The following LCORL variants were observed in gnomAD, a reference collection of about 807,000 sequenced individuals.
LCORL encodes the protein ligand-dependent nuclear receptor corepressor-like protein.
A neutral mutation model predicts 141.8 loss-of-function variants in LCORL; 41 were observed. That is an observed-to-expected ratio of 0.29 (90% CI 0.23 to 0.38). LCORL has a LOEUF of 0.38. Ranked by LOEUF, LCORL falls within the 10% of genes least tolerant of loss-of-function variation. LCORL has a pLI of 1.00. For synonymous variants in LCORL, 618 were observed against 694.1 expected, an observed-to-expected ratio of 0.89 and a Z score of 1.72; for missense variants, 1,759 against 2,035.0, an observed-to-expected ratio of 0.86 and a Z score of 2.61.
At chr4:17,957,454 C>G (rs1020753018) in intron 4 of LCORL, among the ~76,000 whole-genome samples, 1 of 151,768 alleles carries the variant, frequency 6.6e-6, no homozygotes, top group Admixed American at 6.6e-5. Flanking sequence ...TGATGGAAGA[C>G]CAGAAGCTCC....
intron 1 of LCORL, among the ~76,000 whole-genome samples, chr4:17,979,238 C>CA (rs1717562388): frequency 1.3e-5 from 2 of 152,238 alleles, no homozygotes; most frequent in Admixed American, 1.3e-4. Context: ...TACCTACAGG[C>CA]AAAAAAGCTG....
chr4:17,966,161 G>A (rs79405867), intron 2 of LCORL, among the ~76,000 whole-genome samples: 1 of 151,964 alleles, frequency 6.6e-6, no homozygotes, highest in Non-Finnish European at 1.5e-5. Flanking sequence ...TTAACATTTT[G>A]TTATAGATTC....
At chr4:17,891,490 A>C (rs1016869927) in intron 5 of LCORL, among the ~76,000 whole-genome samples, 10 of 152,180 alleles carry the variant, frequency 6.6e-5, no homozygotes, top group African/African-American at 2.2e-4. Flanking sequence ...AGATTGTACA[A>C]TTTTTTAAAA....
At chr4:17,887,256 TGTCATA>T (rs1023079019) in intron 5 of LCORL, among the ~76,000 whole-genome samples, 25 of 152,114 alleles carry the variant, frequency 1.6e-4, no homozygotes, top group Non-Finnish European at 3.2e-4. Flanking sequence ...AAGTACCTAT[TGTCATA>T]GTCATAGTGC....
intron 6 of LCORL, chr4:17,882,637 T>C (rs1262002402): frequency 4.1e-6 from 4 of 984,606 alleles, no homozygotes; most frequent in Admixed American, 6.2e-5. Context: ...ATTAGCAAAA[T>C]GATAATGTAT....
intron 7 of LCORL, among the ~76,000 whole-genome samples, chr4:17,846,789 AACCTT>A (rs1722988914): frequency 6.6e-6 from 1 of 152,084 alleles, no homozygotes; most frequent in African/African-American, 2.4e-5. Flanking sequence ...TGCTTAACCA[AACCTT>A]TACCCATGCC....
chr4:18,011,366 AC>A lies in LCORL; in HGVS notation c.154+10231del, dbSNP rs1197328593. On this transcript the variant is annotated intron_variant, in intron 1 of 7. Transcript: ENST00000635767. ...GCAAACAAAAAGCCCTCAAACCTGCACCAACAACAGATGTTCCAAATGAAAA... is the reference window on the plus strand; with the variant it reads ...GCAAACAAAAAGCCCTCAAACCTGCACAACAACAGATGTTCCAAATGAAAA... 2.6e-5 allele frequency among the ~76,000 whole-genome samples: 4 copies of A among 151,954 alleles called. No individual in the cohort carries two copies. The East Asian group carries it at 7.7e-4, about 29-fold the overall frequency.
exon 8 of LCORL, chr4:17,842,429 T>G: frequency 6.7e-7 from 1 of 1,481,574 alleles, no homozygotes. Context: ...CACTTTTTAT[T>G]TCTACAAGTA....
chr4:17,927,566 G>C (rs1205683467), intron 4 of LCORL, among the ~76,000 whole-genome samples: 2 of 152,028 alleles, frequency 1.3e-5, no homozygotes, highest in Non-Finnish European at 2.9e-5. Flanking sequence ...TAAAATAAGA[G>C]GCATATGACT....
At chr4:17,844,745 A>C (rs1016407351) in exon 8 of LCORL, 2 of 152,470 alleles carry the variant, frequency 1.3e-5, no homozygotes, top group Non-Finnish European at 2.9e-5. Context: ...AAACATAATA[A>C]GCTAAAATCC....
chr4:17,944,485 T>G (rs2109497490), intron 4 of LCORL, among the ~76,000 whole-genome samples: 1 of 152,336 alleles, frequency 6.6e-6, no homozygotes, highest in African/African-American at 2.4e-5. Context: ...TTATAACTAT[T>G]GTTGTTTACT....
chr4:17,844,572 G>GA (rs1452916580), exon 8 of LCORL: 5 of 152,406 alleles, frequency 3.3e-5, no homozygotes, highest in Non-Finnish European at 7.4e-5. Context: ...GGTAATGATA[G>GA]AAAGTCAGTT....
chr4:17,850,846 C>T (rs1351569533), intron 7 of LCORL, among the ~76,000 whole-genome samples: 2 of 151,756 alleles, frequency 1.3e-5, no homozygotes, highest in South Asian at 2.1e-4. Flanking sequence ...TATTGCGGCA[C>T]TATTCACAAT....
At chr4:17,984,899 C>T (rs1987068) in intron 1 of LCORL, among the ~76,000 whole-genome samples, 35,674 of 151,938 alleles carry the variant, frequency 0.23, 5,301 homozygotes, top group African/African-American at 0.42. Context: ...TTTAGTGCTA[C>T]AAATTTCTCT....
At chr4:18,006,090 C>T (rs1722760669) in intron 1 of LCORL, among the ~76,000 whole-genome samples, 1 of 152,194 alleles carries the variant, frequency 6.6e-6, no homozygotes, top group African/African-American at 2.4e-5. Flanking sequence ...ACCTAAGTCA[C>T]CTCTTGAATG....
At chr4:17,846,119 T>A (rs953942982) in intron 7 of LCORL, among the ~76,000 whole-genome samples, 1 of 152,142 alleles carries the variant, frequency 6.6e-6, no homozygotes, top group African/African-American at 2.4e-5. Context: ...AGAAGTTACA[T>A]ATGACTGAAA....
At chr4:18,009,976 G>A (rs1369155198) in intron 1 of LCORL, among the ~76,000 whole-genome samples, 2 of 152,146 alleles carry the variant, frequency 1.3e-5, no homozygotes, top group East Asian at 3.9e-4. Context: ...TTTTAGTACT[G>A]AGCTGTTCAG....
intron 1 of LCORL, among the ~76,000 whole-genome samples, chr4:17,978,480 T>C (rs909102878): frequency 1.3e-5 from 2 of 151,760 alleles, no homozygotes; most frequent in Admixed American, 1.3e-4. Context: ...ACACCTGTAG[T>C]CTCAGCTAAT....
intron 4 of LCORL, among the ~76,000 whole-genome samples, chr4:17,943,739 G>C (rs1448890401): frequency 6.6e-6 from 1 of 152,156 alleles, no homozygotes; most frequent in Non-Finnish European, 1.5e-5. Context: ...GAATATGCCA[G>C]GTCACAGGAA....
Sources: gnomAD v4.1 joint callset for allele counts (sites outside exome capture counted in the v4.1 genomes callset) on GRCh38, gnomAD v4.1.1 for gene constraint, MANE v1.5 for transcripts, NCBI Gene and HGNC (gene_info 2026-07-23, HGNC 2026-07-21) for gene names.